Variants in IGSF11 observed in about 807,000 individuals in gnomAD.
IGSF11 encodes CXADR like 1.
A neutral mutation model predicts 41.0 loss-of-function variants in IGSF11; 22 were observed. That is an observed-to-expected ratio of 0.54 (90% CI 0.38 to 0.77). The LOEUF (loss-of-function observed/expected upper bound fraction) is 0.77, where lower values mean the gene tolerates loss of function less well. Ranked by LOEUF, IGSF11 falls within the 30% of genes least tolerant of loss-of-function variation. The pLI is 0.00. For missense variants in IGSF11, 444 were observed against 530.8 expected, an observed-to-expected ratio of 0.84 and a Z score of 1.61; for synonymous variants, 219 against 201.3, an observed-to-expected ratio of 1.09 and a Z score of -0.74.
At chr3:118,936,187 A>G (rs1304739030) in intron 1 of IGSF11, among the ~76,000 whole-genome samples, 5 of 152,164 alleles carry the variant, frequency 3.3e-5, no homozygotes, top group Non-Finnish European at 7.3e-5. Context: ...GCAAGAATTT[A>G]AACTTGAATG....
intron 1 of IGSF11, among the ~76,000 whole-genome samples, chr3:119,015,192 C>G (rs1207911567): frequency 6.6e-6 from 1 of 152,222 alleles, no homozygotes; most frequent in East Asian, 1.9e-4. Flanking sequence ...GTCCACACAT[C>G]TTTCCTAAAT....
rs552782576 is a variant in IGSF11 at position 119,075,128 on chromosome 3, T to C, written c.49+30016A>G. Reference sequence around the variant, plus strand: ...GAAAAGAGAATCCAAATAGACACAATCAGAAATGACAAAGGGGACATTACC... The same window carrying C: ...GAAAAGAGAATCCAAATAGACACAACCAGAAATGACAAAGGGGACATTACC... On this transcript the variant is annotated intron_variant, in intron 1 of 6. Transcript: ENST00000354673. Among the ~76,000 whole-genome samples, 9 of 151,790 alleles carry C rather than the reference T, an allele frequency of 5.9e-5. 1 individual carries two copies. The highest frequency in any genetic ancestry group is 1.2e-4 in the African/African-American group (5 of 41,394).
chr3:119,068,697 C>T (rs1942304518), intron 1 of IGSF11, among the ~76,000 whole-genome samples: 1 of 152,136 alleles, frequency 6.6e-6, no homozygotes, highest in Non-Finnish European at 1.5e-5. Flanking sequence ...ATTTACTGAT[C>T]TCTGCCAAAC....
At chr3:119,039,539 T>C (rs1351051189), upstream of IGSF11, among the ~76,000 whole-genome samples, 2 of 152,290 alleles carry the variant, frequency 1.3e-5, no homozygotes, top group Admixed American at 1.3e-4. Flanking sequence ...GGAGGTAATA[T>C]ATTCACAGGT....
At chr3:118,910,785 T>A (rs1437056681) in intron 4 of IGSF11, among the ~76,000 whole-genome samples, 1 of 152,170 alleles carries the variant, frequency 6.6e-6, no homozygotes, top group Non-Finnish European at 1.5e-5. Context: ...CTTGCAAGAT[T>A]TTGCAAGCAT....
At chr3:119,073,376 G>A (rs766804941) in intron 1 of IGSF11, among the ~76,000 whole-genome samples, 27 of 152,216 alleles carry the variant, frequency 1.8e-4, no homozygotes, top group Non-Finnish European at 2.6e-4. Context: ...AGAGCTGCCT[G>A]CCAGTCCTGG....
chr3:119,098,186 A>G (rs1383325610), intron 1 of IGSF11, among the ~76,000 whole-genome samples: 3 of 151,982 alleles, frequency 2.0e-5, no homozygotes, highest in Non-Finnish European at 4.4e-5. Context: ...AAACTGCCTT[A>G]GTTAAAATGC....
At chr3:119,044,447 T>C (rs1437152417) in intron 1 of IGSF11, among the ~76,000 whole-genome samples, 4 of 152,006 alleles carry the variant, frequency 2.6e-5, no homozygotes, top group Non-Finnish European at 5.9e-5. Context: ...ATAATTAGTA[T>C]TCCTGAGGAA....
At position 118,928,600 on chromosome 3, in the gene IGSF11, C is replaced by G. The variant is rs745753466; in HGVS notation, c.333G>C (p.Gln111His). 3.7e-6 allele frequency: 6 copies of G among 1,613,924 alleles called. No homozygotes were observed. The highest frequency in any genetic ancestry group is 5.1e-6 in the Non-Finnish European group (6 of 1,179,980). The change falls in exon 3 of 7, where the codon CAG (glutamine) becomes CAC (histidine). Residue 111 changes from glutamine (Q) to histidine (H), a missense_variant. This residue lies in a region of IGSF11 where 193 missense variants were observed against 283.5 expected (regional missense o/e 0.68). Coordinates refer to ENST00000393775, the MANE Select transcript of IGSF11 (RefSeq NM_001015887.3). ...ACTGGTAGGTGCCAGTGTCTGATAA[C>G]TGAGTGTTATTAATGAAGATAGAGA... is the stretch of plus-strand genomic sequence containing the variant. ...TNVSIFINNT[Q>H]LSDTGTYQCL...
chr3:119,107,408 T>G (rs1432887449), upstream of IGSF11, among the ~76,000 whole-genome samples: 1 of 152,238 alleles, frequency 6.6e-6, no homozygotes, highest in Non-Finnish European at 1.5e-5. Context: ...TCTGTTCATA[T>G]CCTTCACCCA....
chr3:119,049,638 G>T (rs1234481737), intron 1 of IGSF11, among the ~76,000 whole-genome samples: 1 of 151,952 alleles, frequency 6.6e-6, no homozygotes, highest in Non-Finnish European at 1.5e-5. Context: ...CACAGAATTG[G>T]AAAAAACTAC....
intron 1 of IGSF11, among the ~76,000 whole-genome samples, chr3:118,931,657 T>A (rs559856908): frequency 6.6e-6 from 1 of 151,810 alleles, no homozygotes; most frequent in African/African-American, 2.4e-5. Flanking sequence ...GACTTGTAAA[T>A]AGACTTACTG....
intron 4 of IGSF11, among the ~76,000 whole-genome samples, chr3:118,915,447 T>C (rs1430055414): frequency 5.7e-5 from 2 of 34,930 alleles, no homozygotes; most frequent in Non-Finnish European, 8.9e-5. Context: ...GCTCGAGAAC[T>C]ACGTGAAGAA....
chr3:118,959,702 T>C (rs1055475641), intron 1 of IGSF11, among the ~76,000 whole-genome samples: 3 of 152,248 alleles, frequency 2.0e-5, no homozygotes, highest in Middle Eastern at 3.4e-3. Flanking sequence ...AGAATAGCTG[T>C]GTATGTGTAC....
intron 1 of IGSF11, among the ~76,000 whole-genome samples, chr3:119,141,534 A>G (rs548388955): frequency 3.3e-5 from 5 of 150,978 alleles, no homozygotes; most frequent in Non-Finnish European, 5.9e-5. Flanking sequence ...AACTAGGTTG[A>G]CCACATTAAA....
intron 1 of IGSF11, among the ~76,000 whole-genome samples, chr3:118,997,161 T>C (rs1051228676): frequency 4.6e-5 from 7 of 152,144 alleles, no homozygotes; most frequent in African/African-American, 1.2e-4. Flanking sequence ...GAATCCAAAC[T>C]GACATTTGGC....
intron 1 of IGSF11, among the ~76,000 whole-genome samples, chr3:119,055,107 A>G (rs1297073351): frequency 6.6e-6 from 1 of 152,222 alleles, no homozygotes; most frequent in African/African-American, 2.4e-5. Context: ...ACAGACCTGC[A>G]GCTGAGGGTC....
chr3:118,905,563 C>G (rs1939485392), intron 5 of IGSF11, 33 bp downstream of exon 5: 1 of 1,611,962 alleles, frequency 6.2e-7, no homozygotes, highest in South Asian at 1.1e-5. Context: ...AGTTTCAGAC[C>G]CATGGTTGAC....
At chr3:119,068,775 A>C (rs576515074) in intron 1 of IGSF11, among the ~76,000 whole-genome samples, 2 of 152,322 alleles carry the variant, frequency 1.3e-5, no homozygotes, top group South Asian at 4.1e-4. Flanking sequence ...GTATTTTAAA[A>C]TAGCTTCATA....
Sources: gnomAD v4.1 joint callset for allele counts (sites outside exome capture counted in the v4.1 genomes callset) on GRCh38, gnomAD v4.1.1 for gene constraint, gnomAD v4.1.1 regional missense constraint, MANE v1.5 for transcripts, NCBI Gene and HGNC (gene_info 2026-07-23, HGNC 2026-07-21) for gene names.